CACNB2: variants seen among roughly 807,000 people sequenced by gnomAD.
CACNB2 encodes the protein voltage-dependent L-type calcium channel subunit beta-2.
In CACNB2, 42 loss-of-function variants were observed where a neutral mutation model predicts 73.3. The ratio of observed to expected loss-of-function variants is 0.57; its 90% CI spans 0.45 to 0.74. CACNB2 has a LOEUF of 0.74. Among genes scored for constraint, CACNB2 ranks in the 30% least tolerant of loss-of-function variants. The pLI, the probability that CACNB2 is intolerant of heterozygous loss-of-function variation, is 0.00. For synonymous variants in CACNB2, 348 were observed against 310.3 expected, an observed-to-expected ratio of 1.12 and a Z score of -1.28; for missense variants, 940 against 853.0, an observed-to-expected ratio of 1.10 and a Z score of -1.27.
At chr10:18,181,404 G>T (rs1022921145) in intron 2 of CACNB2, among the ~76,000 whole-genome samples, 3 of 151,960 alleles carry the variant, frequency 2.0e-5, no homozygotes, top group African/African-American at 7.2e-5. Context: ...CAAGACTGTA[G>T]CCCTGGTTAA....
intron 3 of CACNB2, among the ~76,000 whole-genome samples, chr10:18,455,320 T>C (rs1245282654): frequency 1.3e-5 from 2 of 152,194 alleles, no homozygotes; most frequent in Non-Finnish European, 2.9e-5. Context: ...CCTAAGACTT[T>C]GATTTAGAAA....
intron 2 of CACNB2, among the ~76,000 whole-genome samples, chr10:18,223,456 G>T (rs1272327936): frequency 6.6e-6 from 1 of 152,064 alleles, no homozygotes; most frequent in East Asian, 1.9e-4. Context: ...CATTCCTCTT[G>T]TTCCATGAAT....
Position 18,341,652 on chromosome 10 carries a change from A to T in CACNB2, c.214-60272A>T, listed in dbSNP as rs1009755051. Among the ~76,000 whole-genome samples, 24 of 152,206 alleles carry T rather than the reference A, an allele frequency of 1.6e-4. 1 individual carries two copies. The highest frequency in any genetic ancestry group is 1.6e-3 in the Admixed American group (24 of 15,280). On this transcript the variant is annotated intron_variant, in intron 2 of 13. Transcript: ENST00000324631. The stretch of plus-strand genomic sequence containing the variant: ...AGAGCCCGTAAAAATAAAAGTCATA[A>T]AGTTACAAATATCTGTGCTAATAGG...
chr10:18,241,298 AAGAT>A (rs1481036124), intron 2 of CACNB2, among the ~76,000 whole-genome samples: 1 of 152,202 alleles, frequency 6.6e-6, no homozygotes, highest in African/African-American at 2.4e-5. Context: ...TGACTGAAAA[AAGAT>A]AAATAAATAA....
chr10:18,291,354 G>T (rs1185947492), intron 2 of CACNB2, among the ~76,000 whole-genome samples: 1 of 152,162 alleles, frequency 6.6e-6, no homozygotes, highest in Non-Finnish European at 1.5e-5. Context: ...GAGTAATTGG[G>T]AATTGCAATT....
intron 2 of CACNB2, among the ~76,000 whole-genome samples, chr10:18,352,790 A>G (rs1289785560): frequency 1.3e-5 from 2 of 152,196 alleles, no homozygotes; most frequent in African/African-American, 2.4e-5. Context: ...ACAATTTGGA[A>G]TTATTAGTAT....
intron 3 of CACNB2, among the ~76,000 whole-genome samples, chr10:18,475,900 C>T (rs78653094): frequency 6.6e-6 from 1 of 152,102 alleles, no homozygotes; most frequent in Non-Finnish European, 1.5e-5. Flanking sequence ...CCAATACAGA[C>T]CCTGAGAGTG....
At chr10:18,460,064 A>G (rs993486391) in intron 3 of CACNB2, among the ~76,000 whole-genome samples, 3 of 152,214 alleles carry the variant, frequency 2.0e-5, no homozygotes, top group Non-Finnish European at 4.4e-5. Context: ...CATATCTTAC[A>G]TTATTATTTA....
rs151206098 is a variant in CACNB2, at chr10:18,151,350, G to A, written c.213+375G>A. ...CCTGTGAGATACTGGGGTTCTTCTA[G>A]TTGAGCTTTCTTCTTCTCACTTGGG... On this transcript the variant is annotated intron_variant, in intron 2 of 13. Transcript: ENST00000324631. The A allele has an allele frequency of 5.2e-3, 956 of 184,618 alleles. 7 individuals are homozygous for A. The highest frequency in any genetic ancestry group is 0.022 in the African/African-American group (915 of 41,898). 11.4% of individuals were successfully genotyped at this position (184,618 alleles called of 1,614,324 possible).
intron 3 of CACNB2, among the ~76,000 whole-genome samples, chr10:18,443,006 ATATATATG>A (rs2046540080): frequency 2.1e-4 from 6 of 28,182 alleles, no homozygotes; most frequent in African/African-American, 1.1e-3. Flanking sequence ...ATGTGTATAT[ATATATATG>A]TATATATATA....
intron 2 of CACNB2, among the ~76,000 whole-genome samples, chr10:18,235,897 C>G (rs977447962): frequency 2.0e-5 from 3 of 152,180 alleles, no homozygotes; most frequent in African/African-American, 4.8e-5. Context: ...GCAGATTTCC[C>G]CCTTGCTGTT....
intron 2 of CACNB2, among the ~76,000 whole-genome samples, chr10:18,195,313 A>G (rs2034575575): frequency 6.6e-6 from 1 of 152,198 alleles, no homozygotes; most frequent in African/African-American, 2.4e-5. Context: ...AGCGCCCAGC[A>G]CTATATTCTC....
intron 6 of CACNB2, among the ~76,000 whole-genome samples, chr10:18,510,760 G>T (rs2133099747): frequency 6.6e-6 from 1 of 152,222 alleles, no homozygotes; most frequent in South Asian, 2.1e-4. Flanking sequence ...GCCCTCAAAG[G>T]GTACTATCCC....
chr10:18,408,041 G>C (rs768731049), intron 3 of CACNB2, among the ~76,000 whole-genome samples: 54 of 151,958 alleles, frequency 3.6e-4, no homozygotes, highest in Non-Finnish European at 7.5e-4. Context: ...AGCAGCAAAA[G>C]CATGCAACTT....
chr10:18,366,548 G>A (rs1021535537), intron 2 of CACNB2, among the ~76,000 whole-genome samples: 8 of 148,060 alleles, frequency 5.4e-5, no homozygotes, highest in Non-Finnish European at 1.0e-4. Flanking sequence ...ATAGTCCATC[G>A]AAGACTGATT....
At chr10:18,387,996 A>G (rs766928110) in intron 2 of CACNB2, among the ~76,000 whole-genome samples, 1 of 152,114 alleles carries the variant, frequency 6.6e-6, no homozygotes, top group Non-Finnish European at 1.5e-5. Context: ...AGCTCAAGCA[A>G]TCCTCCTGCC....
chr10:18,199,302 C>T (rs2034767859), intron 2 of CACNB2, among the ~76,000 whole-genome samples: 1 of 152,108 alleles, frequency 6.6e-6, no homozygotes, highest in Non-Finnish European at 1.5e-5. Context: ...AGTGGAGAGA[C>T]ATACAATAAA....
At chr10:18,291,724 G>A (rs1335967335) in intron 2 of CACNB2, among the ~76,000 whole-genome samples, 1 of 152,192 alleles carries the variant, frequency 6.6e-6, no homozygotes, top group Admixed American at 6.5e-5. Context: ...ATGTTGCCAT[G>A]CCAAAATCAC....
intron 3 of CACNB2, among the ~76,000 whole-genome samples, chr10:18,418,111 T>C (rs759075278): frequency 6.6e-5 from 10 of 152,118 alleles, no homozygotes; most frequent in Non-Finnish European, 1.2e-4. Context: ...AGTTTCGCTC[T>C]GTCGCCAGGC....
Sources: gnomAD v4.1 joint callset for allele counts (sites outside exome capture counted in the v4.1 genomes callset) on GRCh38, gnomAD v4.1.1 for gene constraint, MANE v1.5 for transcripts, NCBI Gene and HGNC (gene_info 2026-07-23, HGNC 2026-07-21) for gene names.